Variants in HCN1 observed in about 807,000 individuals in gnomAD.
The protein encoded by HCN1 is potassium/sodium hyperpolarization-activated cyclic nucleotide-gated channel 1.
A neutral mutation model predicts 78.9 loss-of-function variants in HCN1; 13 were observed. The observed-to-expected ratio is 0.16, with a 90% CI of 0.11 to 0.26. The LOEUF (loss-of-function observed/expected upper bound fraction) is 0.26. Ranked by LOEUF, HCN1 falls within the 10% of genes least tolerant of loss-of-function variation. The pLI is 1.00. For missense variants in HCN1, 810 were observed against 1,154.3 expected, an observed-to-expected ratio of 0.70 and a Z score of 4.32; for synonymous variants, 552 against 455.5, an observed-to-expected ratio of 1.21 and a Z score of -2.70.
intron 6 of HCN1, among the ~76,000 whole-genome samples, chr5:45,299,465 C>G (rs1745563443): frequency 1.3e-5 from 2 of 151,860 alleles, no homozygotes; most frequent in Non-Finnish European, 2.9e-5. Flanking sequence ...TTTGAATCAT[C>G]TGGGGATTTT....
rs917177985 is a variant in HCN1, at chr5:45,507,870, G to C, written c.850-45863C>G. ...TAAATATAAAGGTAAGCATTTTCTA[G>C]GTAGTTTATTATAATTCCATGATAA... On this transcript the variant is annotated intron_variant, in intron 2 of 7. Transcript: ENST00000303230. Among the ~76,000 whole-genome samples, 2 of 152,008 alleles carry C rather than the reference G, an allele frequency of 1.3e-5. 1 individual carries two copies. The highest frequency in any genetic ancestry group is 6.9e-3 in the Middle Eastern group (2 of 290).
chr5:45,524,632 G>A (rs1048566144), intron 2 of HCN1, among the ~76,000 whole-genome samples: 1 of 152,012 alleles, frequency 6.6e-6, no homozygotes, highest in Non-Finnish European at 1.5e-5. Flanking sequence ...GTGAATGGGC[G>A]TTCACTCATG....
At chr5:45,395,247 CGTGATGTA>C (rs1308375280) in intron 4 of HCN1, among the ~76,000 whole-genome samples, 1 of 151,924 alleles carries the variant, frequency 6.6e-6, no homozygotes, top group Admixed American at 6.6e-5. Flanking sequence ...TCAGATTTAA[CGTGATGTA>C]GTCTTATCTT....
intron 5 of HCN1, among the ~76,000 whole-genome samples, chr5:45,334,426 T>A (rs1186220908): frequency 6.6e-6 from 1 of 151,874 alleles, no homozygotes; most frequent in Non-Finnish European, 1.5e-5. Context: ...ACACACTTTT[T>A]TTTTTCTCAA....
chr5:45,550,552 G>A (rs563703974), intron 2 of HCN1, among the ~76,000 whole-genome samples: 8 of 151,616 alleles, frequency 5.3e-5, no homozygotes, highest in Non-Finnish European at 1.2e-4. Flanking sequence ...TGTAAATGAC[G>A]AGTTAATGGG....
intron 4 of HCN1, among the ~76,000 whole-genome samples, chr5:45,354,492 A>C (rs1162635443): frequency 5.9e-5 from 9 of 152,014 alleles, no homozygotes; most frequent in Admixed American, 2.6e-4. Flanking sequence ...CACAGCTCTG[A>C]CTAGATCTAG....
At chr5:45,515,797 T>C (rs909170260) in intron 2 of HCN1, among the ~76,000 whole-genome samples, 14 of 151,918 alleles carry the variant, frequency 9.2e-5, no homozygotes, top group African/African-American at 2.9e-4. Flanking sequence ...CTGCTACTGG[T>C]TTCATGACAA....
chr5:45,648,062 T>C (rs1745585086), intron 1 of HCN1, among the ~76,000 whole-genome samples: 1 of 152,186 alleles, frequency 6.6e-6, no homozygotes, highest in Non-Finnish European at 1.5e-5. Flanking sequence ...GTTTTATGGA[T>C]TAAACGAGAC....
rs573125778 is a variant in HCN1 at position 45,301,749 on chromosome 5, A to G, written c.1618+1850T>C. ...AAAAAAAAAAAAAAAAAGAAAGAAA[A>G]GCATTTCCATTATTTCCCAGTGTGT... On this transcript the variant is annotated intron_variant, in intron 6 of 7. Coordinates refer to ENST00000303230, the MANE Select transcript of HCN1 (RefSeq NM_021072.4). Among the ~76,000 whole-genome samples, 9 of 151,584 alleles carry G rather than the reference A, an allele frequency of 5.9e-5. No homozygotes were observed. The East Asian group carries it at 1.6e-3, about 26-fold the overall frequency.
intron 6 of HCN1, among the ~76,000 whole-genome samples, chr5:45,282,490 C>T (rs1323450155): frequency 6.6e-6 from 1 of 152,148 alleles, no homozygotes; most frequent in Non-Finnish European, 1.5e-5. Flanking sequence ...GTTTTCCTAG[C>T]CAAGGTAAAG....
chr5:45,645,260 C>T lies in HCN1; in HGVS notation c.774G>A (p.Arg258=). Residue 258 remains arginine (R), a synonymous_variant, in exon 2 of 8, where the codon AGG becomes AGA. Coordinates refer to ENST00000303230, the MANE Select transcript of HCN1 (RefSeq NM_021072.4). ...GCAAGAGACTGAGAATTTTTGTAAA[C>T]CTCACAATGCGAAGTGCCCTGGCTG... The part of the protein sequence containing the change: ...YKTARALRIV[R]FTKILSLLRL... The T allele has an allele frequency of 1.9e-6, 3 of 1,613,538 alleles. No individual in the cohort carries two copies. Among genetic ancestry groups the T allele is most frequent in the Non-Finnish European group, 2.5e-6 (3 of 1,179,768 alleles).
intron 6 of HCN1, among the ~76,000 whole-genome samples, chr5:45,268,506 G>C (rs1190159071): frequency 1.3e-5 from 2 of 152,176 alleles, no homozygotes; most frequent in East Asian, 3.9e-4. Context: ...ATTTAAAGAA[G>C]TTCTATTTAT....
chr5:45,441,323 C>T (rs1202023353), intron 3 of HCN1, among the ~76,000 whole-genome samples: 2 of 147,284 alleles, frequency 1.4e-5, no homozygotes, highest in African/African-American at 2.5e-5. Context: ...AGAATAGCTA[C>T]TCGAGACAGA....
chr5:45,643,442 T>C (rs1745491647), intron 2 of HCN1: 1 of 152,284 alleles, frequency 6.6e-6, no homozygotes, highest in African/African-American at 2.4e-5. Flanking sequence ...TTCAACTCTG[T>C]TGTATTGCAT....
chr5:45,352,763 T>C (rs914712634), intron 5 of HCN1, among the ~76,000 whole-genome samples: 1 of 151,424 alleles, frequency 6.6e-6, no homozygotes, highest in African/African-American at 2.4e-5. Context: ...AAAGTGAAGA[T>C]GGGAGGAAGA....
intron 3 of HCN1, among the ~76,000 whole-genome samples, chr5:45,412,353 T>G (rs1335218814): frequency 6.6e-6 from 1 of 152,028 alleles, no homozygotes; most frequent in Admixed American, 6.6e-5. Flanking sequence ...CTAGAAGAAG[T>G]GTAGCATTGT....
intron 2 of HCN1, among the ~76,000 whole-genome samples, chr5:45,551,558 A>G (rs1253906734): frequency 2.0e-5 from 3 of 151,910 alleles, no homozygotes; most frequent in African/African-American, 7.2e-5. Flanking sequence ...AGTTTTCTTT[A>G]TTTTCAAAAA....
At chr5:45,350,554 G>A (rs957973855) in intron 5 of HCN1, among the ~76,000 whole-genome samples, 1 of 151,462 alleles carries the variant, frequency 6.6e-6, no homozygotes, top group South Asian at 2.1e-4. Flanking sequence ...GAAATAAAGG[G>A]TATTCAATTA....
At chr5:45,686,576 G>A (rs968354474) in intron 1 of HCN1, among the ~76,000 whole-genome samples, 1 of 152,066 alleles carries the variant, frequency 6.6e-6, no homozygotes, top group Non-Finnish European at 1.5e-5. Flanking sequence ...AGGTACTGTT[G>A]AACCAAGCAA....
Sources: allele counts gnomAD v4.1 joint callset (sites outside exome capture counted in the v4.1 genomes callset), GRCh38; gene constraint gnomAD v4.1.1; transcripts MANE v1.5; gene names NCBI Gene and HGNC (gene_info 2026-07-23, HGNC 2026-07-21).